DNAH12: variants seen among roughly 807,000 people sequenced by gnomAD.
The protein encoded by DNAH12 is dynein axonemal heavy chain 12.
A neutral mutation model predicts 371.5 loss-of-function variants in DNAH12; 285 were observed. The observed-to-expected ratio is 0.77, with a 90% confidence interval of 0.70 to 0.85. The LOEUF (loss-of-function observed/expected upper bound fraction) is 0.85, where lower values mean the gene tolerates loss of function less well. Ranked by LOEUF, DNAH12 falls within the 40% of genes least tolerant of loss-of-function variation. The pLI, the probability that DNAH12 is intolerant of heterozygous loss-of-function variation, is 0.00. For missense variants in DNAH12, 3,611 were observed against 3,689.4 expected (o/e 0.98, Z 0.55); for synonymous variants, 1,200 against 1,213.0 (o/e 0.99, Z 0.22).
rs191934454 is a variant in DNAH12 at position 57,482,839 on chromosome 3, G to A, written c.1650+537C>T. Among the ~76,000 whole-genome samples the A allele has an allele frequency of 3.5e-3, 511 of 146,616 alleles. 3 individuals are homozygous for A. The highest frequency in any genetic ancestry group is 5.7e-3 in the Non-Finnish European group (382 of 67,320). Reference sequence around the variant, plus strand: ...TTGCAAGGACAAAAAACTAAACACCGCATGTTCTCACTCATAGGTGGGAAT... The same window carrying A: ...TTGCAAGGACAAAAAACTAAACACCACATGTTCTCACTCATAGGTGGGAAT... On this transcript the variant is annotated intron_variant, in intron 13 of 73. Coordinates refer to ENST00000495027, the MANE Select transcript of DNAH12 (RefSeq NM_001366028.2).
Position 57,434,164 on chromosome 3 carries a change from C to T in DNAH12, c.4656-336G>A, listed in dbSNP as rs569274707. 6.6e-5 allele frequency among the ~76,000 whole-genome samples: 10 copies of T among 152,328 alleles called. No homozygotes were observed. In the East Asian group the frequency reaches 1.9e-3, roughly 29 times the overall value. ...TTTATATTCCCAAAGTCTTCACTTGCCATAAAACTATTAGTGTTCTTTACC... is the reference window on the plus strand; with the variant it reads ...TTTATATTCCCAAAGTCTTCACTTGTCATAAAACTATTAGTGTTCTTTACC... On this transcript the variant is annotated intron_variant, in intron 30 of 73. Coordinates refer to ENST00000495027, the MANE Select transcript of DNAH12 (RefSeq NM_001366028.2).
intron 9 of DNAH12, among the ~76,000 whole-genome samples, chr3:57,503,745 A>G (rs2067645377): frequency 6.6e-6 from 1 of 152,166 alleles, no homozygotes; most frequent in Non-Finnish European, 1.5e-5. Flanking sequence ...ACAAATATCA[A>G]TTAGATCTTG....
intron 16 of DNAH12, among the ~76,000 whole-genome samples, chr3:57,469,806 A>C (rs984230580): frequency 1.3e-5 from 2 of 152,102 alleles, no homozygotes; most frequent in Non-Finnish European, 2.9e-5. Flanking sequence ...TAGAGATGGG[A>C]ACAACAGACA....
chr3:57,467,730 C>A (rs938448670), intron 17 of DNAH12, among the ~76,000 whole-genome samples: 1 of 152,074 alleles, frequency 6.6e-6, no homozygotes, highest in East Asian at 1.9e-4. Flanking sequence ...TCTTCTACTG[C>A]CTTTCTTGGG....
At chr3:57,412,993 T>C (rs1357223396) in intron 39 of DNAH12, among the ~76,000 whole-genome samples, 1 of 152,208 alleles carries the variant, frequency 6.6e-6, no homozygotes, top group Non-Finnish European at 1.5e-5. Flanking sequence ...CACAAATGTT[T>C]ATAGCAACTT....
chr3:57,348,219 AG>A (rs2062589199), intron 60 of DNAH12, among the ~76,000 whole-genome samples: 2 of 152,320 alleles, frequency 1.3e-5, no homozygotes, highest in African/African-American at 4.8e-5. Context: ...AAAGACAAAG[AG>A]GAACCTTACT....
At chr3:57,366,318 G>A (rs2063050853) in intron 57 of DNAH12, among the ~76,000 whole-genome samples, 1 of 152,144 alleles carries the variant, frequency 6.6e-6, no homozygotes, top group African/African-American at 2.4e-5. Context: ...ATATAATCAA[G>A]AAATAACCAT....
rs756230552 is a variant in DNAH12, at chr3:57,323,588, T to C, written c.10010A>G (p.Asp3337Gly). 6.5e-7 allele frequency: 1 copy of C among 1,550,010 alleles called. No homozygotes were observed. The highest frequency in any genetic ancestry group is 1.2e-5 in the South Asian group (1 of 83,544). Reference sequence around the variant, plus strand: ...CTCTACAAACTTTTTCCCTAGTTTGTCAGTTACATAGTTTGTTATAGCTGG... The same window carrying C: ...CTCTACAAACTTTTTCCCTAGTTTGCCAGTTACATAGTTTGTTATAGCTGG... ...ITPAITNYVT[D>G]KLGKKFVEPP... Residue 3337 changes from aspartate (D) to glycine (G), a missense_variant, in exon 63 of 74, where the codon GAC (aspartate) becomes GGC (glycine). This residue lies in a region of DNAH12 where 2,266 missense variants were observed against 2,236.9 expected (regional missense o/e 1.01). Transcript: ENST00000495027.
At chr3:57,327,347 A>T (rs1185368108) in intron 62 of DNAH12, among the ~76,000 whole-genome samples, 1 of 151,840 alleles carries the variant, frequency 6.6e-6, no homozygotes, top group Non-Finnish European at 1.5e-5. Flanking sequence ...AACAGAAATT[A>T]TAACAAACTA....
chr3:57,361,435 A>G (rs1489150964), intron 58 of DNAH12, among the ~76,000 whole-genome samples: 1 of 123,184 alleles, frequency 8.1e-6, no homozygotes, highest in African/African-American at 3.7e-5. Context: ...ATATATATAC[A>G]CACACACACT....
intron 60 of DNAH12, among the ~76,000 whole-genome samples, chr3:57,341,455 T>C (rs1249752410): frequency 6.6e-6 from 1 of 151,942 alleles, no homozygotes; most frequent in Non-Finnish European, 1.5e-5. Flanking sequence ...ATAAGAACAA[T>C]GAACTAGCTG....
At chr3:57,340,495 A>G (rs2062367166) in intron 60 of DNAH12, among the ~76,000 whole-genome samples, 1 of 152,166 alleles carries the variant, frequency 6.6e-6, no homozygotes, top group African/African-American at 2.4e-5. Flanking sequence ...TGGAAATACA[A>G]AAGATCATCA....
chr3:57,383,766 A>C (rs1173574273), intron 49 of DNAH12, among the ~76,000 whole-genome samples: 2 of 151,702 alleles, frequency 1.3e-5, no homozygotes, highest in African/African-American at 4.8e-5. Context: ...TCTTAAAAAA[A>C]AAAAAAAAGG....
chr3:57,302,565 G>GGTTTTTTTTTTTT (rs2061380121), intron 69 of DNAH12, among the ~76,000 whole-genome samples: 1 of 28,858 alleles, frequency 3.5e-5, no homozygotes, highest in African/African-American at 1.3e-4. Context: ...ATATATATAT[G>GGTTTTTTTTTTTT]TATTTTTTTT....
rs561979607 is a variant in DNAH12, at chr3:57,445,309, T to C, written c.4290A>G (p.Val1430=). The change falls in exon 28 of 74, where the codon GTA becomes GTG. Residue 1430 remains valine (V), a synonymous_variant. Transcript: ENST00000495027. ...GCTCTGAGCAAAGCCTATAGGTCAT[T>C]ACTATTTTCACAGACAGAGGTCTTG... ...LNARPLSVKI[V]MTYRLCSEQL... 2 of 1,551,670 alleles carry C rather than the reference T, an allele frequency of 1.3e-6. No individual in the cohort carries two copies. Among genetic ancestry groups the C allele is most frequent in the Admixed American group, 3.9e-5 (2 of 50,990 alleles).
rs1272839754 is a variant in DNAH12 at position 57,485,549 on chromosome 3, G to A, written c.1515-2038C>T. On this transcript the variant is annotated intron_variant, in intron 12 of 73. Coordinates refer to ENST00000495027, the MANE Select transcript of DNAH12 (RefSeq NM_001366028.2). ...CCCGAGTAGCTGGGATTACAGGCGC[G>A]TGCCACCACGTCTGGCTAATTTTTG... is the stretch of plus-strand genomic sequence containing the variant. 2.8e-5 allele frequency among the ~76,000 whole-genome samples: 4 copies of A among 145,110 alleles called. No individual in the cohort carries two copies. The East Asian group carries it at 7.8e-4, about 28-fold the overall frequency.
rs1197139262 is a variant in DNAH12, at chr3:57,415,483, G to A, written c.5796C>T (p.Asp1932=). 6.4e-7 allele frequency: 1 copy of A among 1,551,122 alleles called. No individual in the cohort carries two copies. The highest frequency in any genetic ancestry group is 2.4e-5 in the East Asian group (1 of 40,914). Residue 1932 remains aspartate (D), a synonymous_variant, in exon 38 of 74, where the codon GAC becomes GAT. Transcript: ENST00000495027. ...KDKLMNHLEK[D]QYFPFYINLS... is the part of the protein sequence containing the mutation. ...AGTTAATATAAAAAGGAAAGTACTG[G>A]TCCTTTTCCAAGTGATTCATTAGCT...
rs2064277267 is a variant in DNAH12 at position 57,413,748 on chromosome 3, A to C, written c.6018T>G (p.His2006Gln). Residue 2006 changes from histidine (H) to glutamine (Q), a missense_variant and splice_region_variant, in exon 39 of 74, where the codon CAT (histidine) becomes CAG (glutamine). Transcript: ENST00000495027. ...AACTTATCGAATTAAATAGTTACCA[A>C]TGTCCACAGTCAAAAAACTGTCGTA... Reference protein sequence around the residue: ...ELLRQFFDCGHWYDLKDTSKI... With the variant: ...ELLRQFFDCGQWYDLKDTSKI... The C allele has an allele frequency of 6.5e-7, 1 of 1,549,802 alleles. No individual in the cohort carries two copies. Among genetic ancestry groups the C allele is most frequent in the Admixed American group, 2.0e-5 (1 of 50,732 alleles).
intron 57 of DNAH12, among the ~76,000 whole-genome samples, chr3:57,365,609 TTAAAA>T (rs1211069806): frequency 7.2e-5 from 11 of 152,248 alleles, no homozygotes; most frequent in African/African-American, 2.6e-4. Flanking sequence ...ATCCTGGAAC[TTAAAA>T]TAAAAATAGT....
Sources: gnomAD v4.1 joint callset for allele counts (sites outside exome capture counted in the v4.1 genomes callset) on GRCh38, gnomAD v4.1.1 for gene constraint, gnomAD v4.1.1 regional missense constraint, MANE v1.5 for transcripts, NCBI Gene and HGNC (gene_info 2026-07-23, HGNC 2026-07-21) for gene names.